Variants in HCN4 observed in about 807,000 individuals in gnomAD.
The protein encoded by HCN4 is potassium/sodium hyperpolarization-activated cyclic nucleotide-gated channel 4.
In HCN4, 29 loss-of-function variants were observed where a neutral mutation model predicts 76.9. That is an observed-to-expected ratio of 0.38 (90% CI 0.28 to 0.51). The LOEUF (loss-of-function observed/expected upper bound fraction) is 0.51. Among genes scored for constraint, HCN4 ranks in the 20% least tolerant of loss-of-function variants. HCN4 has a pLI of 0.90. For synonymous variants in HCN4, 772 were observed against 762.5 expected (o/e 1.01, Z -0.21); for missense variants, 1,416 against 1,715.2 (o/e 0.83, Z 3.08).
chr15:73,358,780 T>G (rs2043092533), intron 1 of HCN4, among the ~76,000 whole-genome samples: 3 of 151,712 alleles, frequency 2.0e-5, no homozygotes, highest in Non-Finnish European at 4.4e-5. Flanking sequence ...GTGCACAGAG[T>G]GGTTCTCTCT....
chr15:73,364,828 G>A (rs2043121410), intron 1 of HCN4, among the ~76,000 whole-genome samples: 1 of 152,080 alleles, frequency 6.6e-6, no homozygotes, highest in Non-Finnish European at 1.5e-5. Flanking sequence ...CCTTGCCCTG[G>A]AAAAGGCACC....
At position 73,325,588 on chromosome 15, in the gene HCN4, C is replaced by T; in HGVS notation, c.1591-144G>A. 2 of 829,670 alleles carry T rather than the reference C, an allele frequency of 2.4e-6. No individual in the cohort carries two copies. The highest frequency in any genetic ancestry group is 3.0e-5 in the South Asian group (2 of 66,664). The allele number at this position is 829,670 out of a possible 1,614,324, so 51.4% of individuals were successfully genotyped here. On this transcript the variant is annotated intron_variant, in intron 4 of 7. Transcript: ENST00000261917. This position sits in a 1 kb window ranked among gnomAD's most constrained non-coding sequence, Gnocchi z 7.4. ...TTGGTTCCTTGAGATCTGAGGTCTA[C>T]AGTGTGGAAATGACCTCACTGTGCT...
chr15:73,350,946 C>G (rs1475234251), intron 1 of HCN4, among the ~76,000 whole-genome samples: 1 of 152,152 alleles, frequency 6.6e-6, no homozygotes, highest in Non-Finnish European at 1.5e-5. Context: ...GCCCCTCACC[C>G]AGCGCTCCTC....
At chr15:73,330,065 G>T (rs895041921) in intron 3 of HCN4, among the ~76,000 whole-genome samples, 1 of 152,190 alleles carries the variant, frequency 6.6e-6, no homozygotes, top group Non-Finnish European at 1.5e-5. Flanking sequence ...GCCCCCATGG[G>T]GCAGCTTGGA....
rs1198087007 is a variant in HCN4, at chr15:73,325,131, G to A, written c.1802C>T (p.Pro601Leu). Residue 601 changes from proline to leucine, a missense_variant, in exon 6 of 8, where the codon CCC (proline) becomes CTC (leucine). This residue lies in a region of HCN4 where 241 missense variants were observed against 379.4 expected (regional missense o/e 0.64). Transcript: ENST00000261917. This position sits in a 1 kb window ranked among gnomAD's most constrained non-coding sequence, Gnocchi z 7.4. ...GGTCAGCATGGACGTCACGAAGTTG[G>A]GGTCCGCATTGGCAAACAGTGGCAT... ...ASMPLFANADPNFVTSMLTKL... is the reference protein window; with the variant it reads ...ASMPLFANADLNFVTSMLTKL... The A allele has an allele frequency of 6.2e-7, 1 of 1,614,110 alleles. No individual in the cohort carries two copies. Among genetic ancestry groups the A allele is most frequent in the African/African-American group, 1.3e-5 (1 of 74,924 alleles).
In HCN4 at chr15:73,343,262, T is replaced by TG. The variant is rs2043015382; in HGVS notation, c.1209+122dup. The stretch of plus-strand genomic sequence containing the variant: ...AAGAACTTACTAGTATTTGTCCTCT[T>TG]GGAGCAGGTGTGCCTGCCACAATCT... On this transcript the variant is annotated intron_variant, in intron 2 of 7. Coordinates refer to ENST00000261917, the MANE Select transcript of HCN4 (RefSeq NM_005477.3). The surrounding 1 kb of genome is among the most constrained non-coding windows in gnomAD (Gnocchi z 5.7). 1 of 897,864 alleles carries TG rather than the reference T, an allele frequency of 1.1e-6. No individual in the cohort carries two copies. Among genetic ancestry groups the TG allele is most frequent in the Non-Finnish European group, 1.8e-6 (1 of 558,560 alleles). The allele number at this position is 897,864 out of a possible 1,614,324, so 55.6% of individuals were successfully genotyped here.
rs772006479 is a variant in HCN4 at position 73,343,628 on chromosome 15, G to A, written c.966C>T (p.Asp322=). The A allele has an allele frequency of 1.2e-6, 2 of 1,614,148 alleles. No homozygotes were observed. The highest frequency in any genetic ancestry group is 2.2e-5 in the South Asian group (2 of 91,086). ...GCGGGTCCAGGATGATCTCTGTGTT[G>A]TCCTCCACCACGATCCCTGTGCGGA... The part of the protein sequence containing the change: ...LNFRTGIVVE[D]NTEIILDPQR... The change falls in exon 2 of 8, where the codon GAC becomes GAT. Residue 322 remains aspartate (D), a synonymous_variant. Coordinates refer to ENST00000261917, the MANE Select transcript of HCN4 (RefSeq NM_005477.3). This position sits in a 1 kb window ranked among gnomAD's most constrained non-coding sequence, Gnocchi z 5.7.
intron 1 of HCN4, among the ~76,000 whole-genome samples, chr15:73,360,445 C>T (rs963437400): frequency 6.6e-6 from 1 of 152,212 alleles, no homozygotes; most frequent in Non-Finnish European, 1.5e-5. Context: ...GATATTCCGA[C>T]ACCTGATCCA....
At chr15:73,357,399 C>A (rs2043086052) in intron 1 of HCN4, among the ~76,000 whole-genome samples, 1 of 152,092 alleles carries the variant, frequency 6.6e-6, no homozygotes, top group Non-Finnish European at 1.5e-5. Context: ...CTCTGCCAAT[C>A]CCAGAGTAGA....
At chr15:73,359,737 A>G (rs1388457978) in intron 1 of HCN4, among the ~76,000 whole-genome samples, 2 of 152,176 alleles carry the variant, frequency 1.3e-5, no homozygotes, top group African/African-American at 4.8e-5. Flanking sequence ...TGGTCACAGA[A>G]TAAGCCCTGA....
At position 73,321,618 on chromosome 15, in the gene HCN4, A is replaced by G. The variant is rs567502981; in HGVS notation, c.*863T>C. The G allele has an allele frequency of 6.5e-6, 1 of 152,792 alleles. No homozygotes were observed. The highest frequency in any genetic ancestry group is 1.9e-4 in the East Asian group (1 of 5,166). 9.5% of individuals were successfully genotyped at this position (152,792 alleles called of 1,614,324 possible). ...GCGGTGTGTGCTTGAGGCCCTAGGA[A>G]AGGGGAGTCTTCCACTTCCGTGTGG... On this transcript the variant is annotated 3_prime_UTR_variant, in exon 8 of 8. Coordinates refer to ENST00000261917, the MANE Select transcript of HCN4 (RefSeq NM_005477.3).
In HCN4 at chr15:73,368,525, T is replaced by G. The variant is rs914501170; in HGVS notation, c.-255A>C. 6 of 292,754 alleles carry G rather than the reference T, an allele frequency of 2.0e-5. No homozygotes were observed. Among genetic ancestry groups the G allele is most frequent in the Non-Finnish European group, 3.8e-5 (6 of 159,218 alleles). 18.1% of individuals were successfully genotyped at this position (292,754 alleles called of 1,614,324 possible). A position where few individuals can be genotyped will look rare whatever the true frequency, so the allele number is the denominator to read the frequency against. The stretch of plus-strand genomic sequence containing the variant: ...GCGCGGGGACCCCGCGCTCCCTTCT[T>G]GCCTCCCTCCCTCCCTCTGGCGTTC... On this transcript the variant is annotated 5_prime_UTR_variant, in exon 1 of 8. Transcript: ENST00000261917. This position sits in a 1 kb window ranked among gnomAD's most constrained non-coding sequence, Gnocchi z 6.9.
intron 4 of HCN4, 75 bp downstream of exon 4, chr15:73,329,498 G>A (rs1486078307): frequency 7.0e-7 from 1 of 1,435,556 alleles, no homozygotes; most frequent in African/African-American, 1.4e-5. Flanking sequence ...GGTTCCTGCT[G>A]GGGGCCCACT....
chr15:73,326,899 A>G (rs1468560687), intron 4 of HCN4, among the ~76,000 whole-genome samples: 2 of 150,790 alleles, frequency 1.3e-5, no homozygotes, highest in African/African-American at 2.4e-5. Flanking sequence ...CGATTCTCCC[A>G]TCTCAGCCTC....
chr15:73,332,782 G>A (rs1456021435), intron 2 of HCN4, among the ~76,000 whole-genome samples: 3 of 152,108 alleles, frequency 2.0e-5, no homozygotes, highest in Non-Finnish European at 4.4e-5. Context: ...CAGAGGAAGC[G>A]GCACAGGCTC....
chr15:73,349,937 A>G (rs1409034117), intron 1 of HCN4, among the ~76,000 whole-genome samples: 1 of 152,080 alleles, frequency 6.6e-6, no homozygotes, highest in Non-Finnish European at 1.5e-5. Flanking sequence ...TCTACTCCAT[A>G]TCATTGACCC....
In HCN4 at chr15:73,324,919, AGCTGCCCTGTCCCCCAGGGCCCAGG is replaced by A. The variant is rs1192127406; in HGVS notation, c.1978+11_1978+35del. The stretch of plus-strand genomic sequence containing the variant: ...TCTCCCCAAACCAGCCCCTGGGAGC[AGCTGCCCTGTCCCCCAGGGCCCAGG>A]GCTGCCTCACCTCCAAAGTAGGAGC... On this transcript the variant is annotated intron_variant, in intron 6 of 7. Transcript: ENST00000261917. 3.7e-6 allele frequency: 6 copies of A among 1,612,544 alleles called. No individual in the cohort carries two copies. In the South Asian group the frequency reaches 4.4e-5, roughly 12 times the overall value.
intron 6 of HCN4, 107 bp from the exon 7 acceptor site, chr15:73,324,360 G>T: frequency 8.0e-7 from 1 of 1,243,196 alleles, no homozygotes; most frequent in Non-Finnish European, 1.1e-6. Flanking sequence ...AGCCTTGGCA[G>T]GCTCACAAGG....
chr15:73,324,425 T>C (rs943192833), intron 6 of HCN4, among the ~76,000 whole-genome samples, 172 bp from the exon 7 acceptor site: 3 of 152,248 alleles, frequency 2.0e-5, no homozygotes, highest in Non-Finnish European at 4.4e-5. Context: ...AAATGGGGGC[T>C]GGACAGACTT....
Sources: allele counts gnomAD v4.1 joint callset (sites outside exome capture counted in the v4.1 genomes callset), GRCh38; gene constraint gnomAD v4.1.1; regional missense constraint gnomAD v4.1.1; non-coding constraint Gnocchi (gnomAD v3.1); transcripts MANE v1.5; gene names NCBI Gene and HGNC (gene_info 2026-07-23, HGNC 2026-07-21).